Variants in CYFIP1 observed in about 807,000 individuals in gnomAD.
CYFIP1 encodes the protein cytoplasmic FMR1-interacting protein 1.
In CYFIP1, 58 loss-of-function variants were observed where a neutral mutation model predicts 163.5. The observed-to-expected ratio is 0.35, with a 90% CI of 0.29 to 0.44. The LOEUF (loss-of-function observed/expected upper bound fraction) is 0.44, where lower values mean the gene tolerates loss of function less well. CYFIP1 is among the 20% of genes least tolerant of loss of function. The pLI is 1.00. For synonymous variants in CYFIP1, 663 were observed against 660.7 expected (o/e 1.00, Z -0.05); for missense variants, 1,338 against 1,653.8 (o/e 0.81, Z 3.31).
chr15:22,873,847 A>G (rs1351050800), intron 28 of CYFIP1, 118 bp from the exon 29 acceptor site: 7 of 907,872 alleles, frequency 7.7e-6, no homozygotes, highest in Non-Finnish European at 1.0e-5. Context: ...GCTGGAGTGC[A>G]GTGGCACAAT....
intron 1 of CYFIP1, among the ~76,000 whole-genome samples, chr15:22,955,543 G>C (rs1463560492): frequency 1.7e-5 from 1 of 60,294 alleles, no homozygotes; most frequent in East Asian, 8.4e-4. Flanking sequence ...AGGGGAGCAG[G>C]GTCAAGGACC....
At chr15:22,925,345 C>T (rs1285949253) in intron 13 of CYFIP1, among the ~76,000 whole-genome samples, 1 of 152,188 alleles carries the variant, frequency 6.6e-6, no homozygotes, top group African/African-American at 2.4e-5. Context: ...GGGATACCGA[C>T]AGCAACTGAC....
At chr15:22,892,599 T>C (rs905356848) in intron 23 of CYFIP1, among the ~76,000 whole-genome samples, 9 of 152,188 alleles carry the variant, frequency 5.9e-5, no homozygotes, top group Non-Finnish European at 1.5e-5. Flanking sequence ...TCACTTGTGT[T>C]TGTGCTGGGA....
chr15:22,945,863 G>A (rs555955347), intron 3 of CYFIP1, among the ~76,000 whole-genome samples: 4 of 152,172 alleles, frequency 2.6e-5, no homozygotes, highest in East Asian at 3.9e-4. Context: ...GATTACAGGC[G>A]TGGGCCACTG....
intron 23 of CYFIP1, among the ~76,000 whole-genome samples, chr15:22,887,808 G>A (rs1173889465): frequency 6.6e-6 from 1 of 152,200 alleles, no homozygotes; most frequent in Non-Finnish European, 1.5e-5. Flanking sequence ...AAGCTCAGAA[G>A]AGGAAGCACT....
At chr15:22,934,776 G>A (rs1371003425) in intron 9 of CYFIP1, among the ~76,000 whole-genome samples, 15 of 151,930 alleles carry the variant, frequency 9.9e-5, no homozygotes, top group Admixed American at 9.8e-4. Flanking sequence ...GGGATTACAG[G>A]CATAAGCCAC....
At chr15:22,874,204 T>C (rs1357735060) in intron 28 of CYFIP1, among the ~76,000 whole-genome samples, 2 of 152,244 alleles carry the variant, frequency 1.3e-5, no homozygotes, top group Non-Finnish European at 2.9e-5. Context: ...TGGATCACTG[T>C]AGAACTCTAC....
chr15:22,949,053 A>G (rs1283820298), intron 1 of CYFIP1, among the ~76,000 whole-genome samples: 1 of 152,216 alleles, frequency 6.6e-6, no homozygotes, highest in Admixed American at 6.5e-5. Flanking sequence ...TCTTTTGTCT[A>G]CAGATTCAAG....
chr15:22,959,563 G>A (rs1380071081), intron 1 of CYFIP1, among the ~76,000 whole-genome samples: 1 of 152,204 alleles, frequency 6.6e-6, no homozygotes, highest in African/African-American at 2.4e-5. Context: ...GGCTCGGCTG[G>A]GCACCAAGCA....
Position 22,932,254 on chromosome 15 carries a change from A to G in CYFIP1, c.1079T>C (p.Ile360Thr). The G allele has an allele frequency of 6.2e-7, 1 of 1,612,834 alleles. No individual in the cohort carries two copies. Among genetic ancestry groups the G allele is most frequent in the Non-Finnish European group, 8.5e-7 (1 of 1,179,472 alleles). ...GTTGCTGTAGCGCGCCAGCTCCGAA[A>G]TGAAGCGCATGTGGTCCTCGCGGAT... ...IQIREDHMRFISELARYSNSE... is the reference protein window; with the variant it reads ...IQIREDHMRFTSELARYSNSE... Residue 360 changes from isoleucine (I) to threonine (T), a missense_variant, in exon 11 of 31, where the codon ATT (isoleucine) becomes ACT (threonine). Transcript: ENST00000617928.
chr15:22,888,733 CAA>C (rs398026554), intron 23 of CYFIP1, among the ~76,000 whole-genome samples: 3 of 138,240 alleles, frequency 2.2e-5, no homozygotes, highest in Non-Finnish European at 1.5e-5. Context: ...AACCCTGTCT[CAA>C]AAAAAAAAAA....
intron 25 of CYFIP1, 94 bp downstream of exon 25, chr15:22,881,752 A>G: frequency 2.5e-6 from 3 of 1,218,864 alleles, no homozygotes; most frequent in Non-Finnish European, 3.5e-6. Flanking sequence ...CTCTTCCCAC[A>G]TGGCAAATCT....
chr15:22,915,907 A>C (rs1470367819), intron 16 of CYFIP1, among the ~76,000 whole-genome samples: 1 of 152,182 alleles, frequency 6.6e-6, no homozygotes, highest in East Asian at 1.9e-4. Context: ...CCTTTCATGG[A>C]GTTAACAGCA....
intron 1 of CYFIP1, among the ~76,000 whole-genome samples, chr15:22,974,115 G>A (rs559510145): frequency 1.1e-4 from 16 of 152,140 alleles, no homozygotes; most frequent in Non-Finnish European, 2.1e-4. Flanking sequence ...AAACAGTGCC[G>A]GGGGTTCCTC....
intron 25 of CYFIP1, 45 bp from the exon 26 acceptor site, chr15:22,880,088 C>T (rs543874587): frequency 1.6e-5 from 25 of 1,609,874 alleles, no homozygotes; most frequent in African/African-American, 9.3e-5. Context: ...TGGAGGGGGC[C>T]GGGCCCTAGC....
At chr15:22,940,274 C>T (rs921705223) in intron 6 of CYFIP1, among the ~76,000 whole-genome samples, 1 of 152,202 alleles carries the variant, frequency 6.6e-6, no homozygotes, top group African/African-American at 2.4e-5. Context: ...TCACTTCCTC[C>T]CCTTCCTCCT....
At chr15:22,936,721 G>A (rs2061722864) in intron 9 of CYFIP1, among the ~76,000 whole-genome samples, 1 of 152,104 alleles carries the variant, frequency 6.6e-6, no homozygotes, top group Non-Finnish European at 1.5e-5. Context: ...GAACATCCGA[G>A]AGCCCGCCAA....
At chr15:22,948,850 A>C (rs1214557815) in intron 1 of CYFIP1, among the ~76,000 whole-genome samples, 3 of 151,544 alleles carry the variant, frequency 2.0e-5, no homozygotes, top group African/African-American at 7.3e-5. Flanking sequence ...GTGAACTTGA[A>C]GATAGAGCAA....
rs775281659 is a variant in CYFIP1 at position 22,867,984 on chromosome 15, T to C, written c.*2044A>G. ...TTGACTGGCCTTTAAAAAAAAGTATTGGCAGAATTAATTTCCACCTAGGTG... is the reference window on the plus strand; with the variant it reads ...TTGACTGGCCTTTAAAAAAAAGTATCGGCAGAATTAATTTCCACCTAGGTG... On this transcript the variant is annotated 3_prime_UTR_variant, in exon 31 of 31. Transcript: ENST00000617928. The C allele has an allele frequency of 5.9e-5, 9 of 152,236 alleles. No individual in the cohort carries two copies. Among genetic ancestry groups the C allele is most frequent in the Non-Finnish European group, 1.3e-4 (9 of 68,040 alleles). The allele number at this position is 152,236 out of a possible 1,614,324, so 9.4% of individuals were successfully genotyped here. A position where few individuals can be genotyped will look rare whatever the true frequency, so the allele number is the denominator to read the frequency against.
Sources: allele counts gnomAD v4.1 joint callset (sites outside exome capture counted in the v4.1 genomes callset), GRCh38; gene constraint gnomAD v4.1.1; transcripts MANE v1.5; gene names NCBI Gene and HGNC (gene_info 2026-07-23, HGNC 2026-07-21).